The following KIF13A variants were observed in gnomAD, a reference collection of about 807,000 sequenced individuals.
KIF13A encodes kinesin family member 13A.
A neutral mutation model predicts 212.2 loss-of-function variants in KIF13A; 79 were observed. The ratio of observed to expected loss-of-function variants is 0.37; its 90% CI spans 0.31 to 0.45. The LOEUF is 0.45. KIF13A is among the 20% of genes least tolerant of loss of function. KIF13A has a pLI of 1.00. For missense variants in KIF13A, 1,901 were observed against 2,209.0 expected, an observed-to-expected ratio of 0.86 and a Z score of 2.79; for synonymous variants, 789 against 808.6, an observed-to-expected ratio of 0.98 and a Z score of 0.41.
At position 17,968,526 on chromosome 6, in the gene KIF13A, C is replaced by T. The variant is rs148137002; in HGVS notation, c.146+18528G>A. Among the ~76,000 whole-genome samples, 137 of 152,186 alleles carry T rather than the reference C, an allele frequency of 9.0e-4. No homozygotes were observed. The highest frequency in any genetic ancestry group is 2.9e-3 in the African/African-American group (121 of 41,538). ...AGTACAGGAAATGAAACATCCCGAC[C>T]TCACAACTTTGCCTAGGATAGAATT... On this transcript the variant is annotated intron_variant, in intron 2 of 38. Transcript: ENST00000259711. The surrounding 1 kb of genome is among the most constrained non-coding windows in gnomAD (Gnocchi z 4.7).
At chr6:17,890,829 C>T (rs965765412) in intron 3 of KIF13A, among the ~76,000 whole-genome samples, 1 of 111,692 alleles carries the variant, frequency 9.0e-6, no homozygotes, top group Non-Finnish European at 1.9e-5. Context: ...GTTATTATTA[C>T]TATTGTTATT....
Position 17,777,446 on chromosome 6 carries a change from C to T in KIF13A, c.4093-92G>A, listed in dbSNP as rs890141851. On this transcript the variant is annotated intron_variant, in intron 33 of 38. Transcript: ENST00000259711. The surrounding 1 kb of genome is among the most constrained non-coding windows in gnomAD (Gnocchi z 4.4). Reference sequence around the variant, plus strand: ...TTGCCCAGGCTGGAGTGTAGTGATGCGATCTCTGCTCACTGCAACCTCTGC... The same window carrying T: ...TTGCCCAGGCTGGAGTGTAGTGATGTGATCTCTGCTCACTGCAACCTCTGC... The T allele has an allele frequency of 2.4e-5, 25 of 1,043,098 alleles. No homozygotes were observed. The highest frequency in any genetic ancestry group is 6.8e-5 in the South Asian group (5 of 73,290). The allele number at this position is 1,043,098 out of a possible 1,614,324, so 64.6% of individuals were successfully genotyped here. A position where few individuals can be genotyped will look rare whatever the true frequency, so the allele number is the denominator to read the frequency against.
chr6:17,924,067 T>C (rs190911814), intron 2 of KIF13A, among the ~76,000 whole-genome samples: 2 of 152,256 alleles, frequency 1.3e-5, no homozygotes, highest in Admixed American at 6.5e-5. Flanking sequence ...AAAATACATA[T>C]GTACAAGACT....
intron 20 of KIF13A, among the ~76,000 whole-genome samples, chr6:17,800,879 A>G (rs990347509): frequency 6.6e-6 from 1 of 150,898 alleles, no homozygotes; most frequent in Admixed American, 6.6e-5. Context: ...GATTACAATC[A>G]TAAGCCACCG....
At chr6:17,977,670 AAT>A (rs1031747908) in intron 2 of KIF13A, among the ~76,000 whole-genome samples, 1 of 152,236 alleles carries the variant, frequency 6.6e-6, no homozygotes, top group Non-Finnish European at 1.5e-5. Flanking sequence ...GTAGAGGAAA[AAT>A]AAGAATAACT....
Position 17,866,890 on chromosome 6 carries a change from T to C in KIF13A, c.220+6487A>G, listed in dbSNP as rs916210823. 1.3e-4 allele frequency among the ~76,000 whole-genome samples: 18 copies of C among 137,498 alleles called. 1 individual carries two copies. The highest frequency in any genetic ancestry group is 8.7e-4 in the Admixed American group (12 of 13,786). The allele number at this position is 137,498 out of a possible 152,430, so 90.2% of individuals were successfully genotyped here. ...ATATATATATATTTACACACACACATATATATACACTTAAAAAAATTTAAC... is the reference window on the plus strand; with the variant it reads ...ATATATATATATTTACACACACACACATATATACACTTAAAAAAATTTAAC... On this transcript the variant is annotated intron_variant, in intron 4 of 38. Transcript: ENST00000259711.
rs1218892982 is a variant in KIF13A at position 17,781,200 on chromosome 6, T to C, written c.3646A>G (p.Ile1216Val). 3 of 1,613,834 alleles carry C rather than the reference T, an allele frequency of 1.9e-6. No individual in the cohort carries two copies. The highest frequency in any genetic ancestry group is 2.2e-5 in the East Asian group (1 of 44,884). The change falls in exon 30 of 39, where the codon ATC becomes GTC. Residue 1216 changes from isoleucine to valine, a missense_variant. This residue lies in a region of KIF13A where 687 missense variants were observed against 759.1 expected (regional missense o/e 0.90). Transcript: ENST00000259711. Reference sequence around the variant, plus strand: ...ACCTCATCATCACTGTGCTTTATGATGGGCAGGTAGAAAAACTGGCTGCCA... The same window carrying C: ...ACCTCATCATCACTGTGCTTTATGACGGGCAGGTAGAAAAACTGGCTGCCA... ...EHGSQFFYLP[I>V]IKHSDDEVSA...
At chr6:17,954,865 G>C (rs1482820766) in intron 2 of KIF13A, among the ~76,000 whole-genome samples, 2 of 152,118 alleles carry the variant, frequency 1.3e-5, no homozygotes, top group Non-Finnish European at 2.9e-5. Flanking sequence ...TTTTTTAAGA[G>C]ACGGGGTCTT....
In KIF13A at chr6:17,892,202, C is replaced by T. The variant is rs1158407751; in HGVS notation, c.159+5966G>A. On this transcript the variant is annotated intron_variant, in intron 3 of 38. Transcript: ENST00000259711. This position sits in a 1 kb window ranked among gnomAD's most constrained non-coding sequence, Gnocchi z 4.7. ...TTTTTCATTCACTCAGTTTCAAATCCGAGACATCTCTGACTCTTGATATAC... is the reference window on the plus strand; with the variant it reads ...TTTTTCATTCACTCAGTTTCAAATCTGAGACATCTCTGACTCTTGATATAC... Among the ~76,000 whole-genome samples the T allele has an allele frequency of 2.6e-5, 4 of 152,248 alleles. No individual in the cohort carries two copies. The East Asian group carries it at 5.8e-4, about 22-fold the overall frequency.
chr6:17,836,084 A>G (rs1230462672), intron 11 of KIF13A, among the ~76,000 whole-genome samples: 1 of 152,252 alleles, frequency 6.6e-6, no homozygotes, highest in Non-Finnish European at 1.5e-5. Context: ...ATTTGCAAAA[A>G]GCAACACCTA....
At chr6:17,976,286 G>T (rs2150626269) in intron 2 of KIF13A, among the ~76,000 whole-genome samples, 1 of 152,338 alleles carries the variant, frequency 6.6e-6, no homozygotes, top group African/African-American at 2.4e-5. Flanking sequence ...CACGGAGCGG[G>T]TGGGAGGCTC....
chr6:17,956,301 TAG>T lies in KIF13A; in HGVS notation c.146+30751_146+30752del, dbSNP rs533568652. On this transcript the variant is annotated intron_variant, in intron 2 of 38. Transcript: ENST00000259711. ...GTGCCTTTAACTACTGCTCTGTTAT[TAG>T]ACTCAACAATAGGTCCATTACAAAG... Among the ~76,000 whole-genome samples the T allele has an allele frequency of 9.2e-4, 140 of 152,342 alleles. 2 individuals are homozygous for T. Among genetic ancestry groups the T allele is most frequent in the African/African-American group, 3.2e-3 (133 of 41,578 alleles).
intron 38 of KIF13A, among the ~76,000 whole-genome samples, chr6:17,767,938 GATTA>G (rs1279055856): frequency 2.0e-5 from 3 of 152,142 alleles, no homozygotes; most frequent in African/African-American, 7.2e-5. Flanking sequence ...AGCCCCAAGA[GATTA>G]AGTTCAAATA....
chr6:17,962,664 C>A (rs766074566), intron 2 of KIF13A, among the ~76,000 whole-genome samples: 9 of 152,214 alleles, frequency 5.9e-5, no homozygotes, highest in African/African-American at 2.2e-4. Flanking sequence ...CATCCACAGG[C>A]ACCCGGAGGC....
In KIF13A at chr6:17,982,516, A is replaced by C; in HGVS notation, c.146+4538T>G. The C allele has an allele frequency of 1.4e-6, 1 of 716,354 alleles. No homozygotes were observed. Among genetic ancestry groups the C allele is most frequent in the Non-Finnish European group, 1.7e-6 (1 of 584,796 alleles). The allele number at this position is 716,354 out of a possible 1,614,324, so 44.4% of individuals were successfully genotyped here. On this transcript the variant is annotated intron_variant, in intron 2 of 38. Coordinates refer to ENST00000259711, the MANE Select transcript of KIF13A (RefSeq NM_022113.6). The surrounding 1 kb of genome is among the most constrained non-coding windows in gnomAD (Gnocchi z 5.1). ...AGCTTTCTTCAACTGACCCTCCCTC[A>C]CACGATTTGCAAGGTGTATTGTTCA...
chr6:17,863,957 A>G (rs930854794), intron 4 of KIF13A, among the ~76,000 whole-genome samples: 5 of 152,332 alleles, frequency 3.3e-5, no homozygotes, highest in African/African-American at 9.6e-5. Flanking sequence ...GAATTCAAAC[A>G]GTGCATGGGT....
chr6:17,922,459 T>C (rs1331347405), intron 2 of KIF13A, among the ~76,000 whole-genome samples: 1 of 151,970 alleles, frequency 6.6e-6, no homozygotes, highest in Non-Finnish European at 1.5e-5. Context: ...GTTTCACACA[T>C]CAATGTGGAT....
intron 2 of KIF13A, among the ~76,000 whole-genome samples, chr6:17,920,607 C>T (rs1774975191): frequency 6.6e-6 from 1 of 152,170 alleles, no homozygotes. Context: ...GGTGCGGTGG[C>T]TCACGCCTGT....
chr6:17,979,087 G>C (rs1206010403), intron 2 of KIF13A, among the ~76,000 whole-genome samples: 1 of 152,210 alleles, frequency 6.6e-6, no homozygotes, highest in African/African-American at 2.4e-5. Flanking sequence ...GAGGCCGGAA[G>C]TTTGAGAACA....
Sources: gnomAD v4.1 joint callset for allele counts (sites outside exome capture counted in the v4.1 genomes callset) on GRCh38, gnomAD v4.1.1 for gene constraint, gnomAD v4.1.1 regional missense constraint, Gnocchi (gnomAD v3.1) non-coding constraint, MANE v1.5 for transcripts, NCBI Gene and HGNC (gene_info 2026-07-23, HGNC 2026-07-21) for gene names.